Variants in SLC28A1 observed in about 807,000 individuals in gnomAD.
The protein encoded by SLC28A1 is solute carrier family 28 member 1.
A neutral mutation model predicts 74.8 loss-of-function variants in SLC28A1; 64 were observed. The observed-to-expected ratio is 0.86, with a 90% confidence interval of 0.70 to 1.05. The LOEUF (loss-of-function observed/expected upper bound fraction) is 1.05. SLC28A1 is among the 50% of genes least tolerant of loss of function. SLC28A1 has a pLI of 0.00. For synonymous variants in SLC28A1, 359 were observed against 335.0 expected, an observed-to-expected ratio of 1.07 and a Z score of -0.78; for missense variants, 828 against 822.8, an observed-to-expected ratio of 1.01 and a Z score of -0.08.
chr15:84,947,787 C>G (rs938927988), downstream of SLC28A1, among the ~76,000 whole-genome samples: 9 of 152,148 alleles, frequency 5.9e-5, no homozygotes, highest in African/African-American at 1.4e-4. Flanking sequence ...AAAGACCCCC[C>G]CTCCTAATAC....
chr15:84,936,891 AAAAATT>A (rs1239308148), intron 15 of SLC28A1, among the ~76,000 whole-genome samples: 2 of 152,094 alleles, frequency 1.3e-5, no homozygotes, highest in African/African-American at 2.4e-5. Context: ...TGTCTTTACT[AAAAATT>A]TTAAAAATTG....
intron 11 of SLC28A1, among the ~76,000 whole-genome samples, chr15:84,923,149 G>A (rs1970048084): frequency 6.6e-6 from 1 of 152,142 alleles, no homozygotes; most frequent in Non-Finnish European, 1.5e-5. Flanking sequence ...TGTTGGCCAG[G>A]CTGGTCTGGA....
At chr15:84,944,415 G>A in intron 16 of SLC28A1, 151 bp from the exon 17 acceptor site, 1 of 698,064 alleles carries the variant, frequency 1.4e-6, no homozygotes, top group Non-Finnish European at 2.6e-6. Flanking sequence ...GAACTCCTGA[G>A]CTCAGCAAGC....
chr15:84,949,445 C>T (rs2079341573), downstream of SLC28A1, among the ~76,000 whole-genome samples: 1 of 151,960 alleles, frequency 6.6e-6, no homozygotes, highest in Non-Finnish European at 1.5e-5. Context: ...TGCAGTAGTG[C>T]AAAAATCCTG....
At chr15:84,937,342 G>C (rs1972054722) in intron 15 of SLC28A1, among the ~76,000 whole-genome samples, 1 of 152,138 alleles carries the variant, frequency 6.6e-6, no homozygotes, top group African/African-American at 2.4e-5. Flanking sequence ...TGGGCTGACT[G>C]ACTCCCACAT....
intron 3 of SLC28A1, 95 bp downstream of exon 3, chr15:84,887,951 C>T: frequency 3.5e-6 from 3 of 869,000 alleles, no homozygotes; most frequent in South Asian, 1.3e-5. Context: ...ACCACCTTCC[C>T]TCATACCCCA....
At chr15:84,924,174 C>T in intron 12 of SLC28A1, 64 bp downstream of exon 12, 1 of 1,558,114 alleles carries the variant, frequency 6.4e-7, no homozygotes, top group South Asian at 1.1e-5. Flanking sequence ...TGTGGGAGCC[C>T]CACACAGCTC....
intron 12 of SLC28A1, chr15:84,926,436 C>A: frequency 2.5e-6 from 1 of 398,966 alleles, no homozygotes; most frequent in Admixed American, 2.8e-5. Context: ...CTCCTGGGCT[C>A]AAGCAATCCT....
chr15:84,969,052 A>AT, the SLC28A1 span, among the ~76,000 whole-genome samples: 1 of 152,188 alleles, frequency 6.6e-6, no homozygotes, highest in African/African-American at 2.4e-5. Flanking sequence ...ATATGCACAA[A>AT]TGGTCATGGT....
chr15:84,939,525 A>G (rs1296743139), intron 15 of SLC28A1: 1 of 152,222 alleles, frequency 6.6e-6, no homozygotes, highest in Non-Finnish European at 1.5e-5. Flanking sequence ...TAAAGGCATT[A>G]ACTTTTTTCT....
At chr15:84,920,942 G>A in intron 10 of SLC28A1, 47 bp from the exon 11 acceptor site, 1 of 1,467,802 alleles carries the variant, frequency 6.8e-7, no homozygotes, top group African/African-American at 1.4e-5. Context: ...CTCTGACTCT[G>A]GGGTTTGCTG....
chr15:84,888,466 C>A (rs1213193401), intron 3 of SLC28A1, among the ~76,000 whole-genome samples: 1 of 151,266 alleles, frequency 6.6e-6, no homozygotes, highest in Non-Finnish European at 1.5e-5. Context: ...GATGAGGTAG[C>A]CCTGCCTGGG....
downstream of SLC28A1, among the ~76,000 whole-genome samples, chr15:84,949,744 T>G (rs1370639913): frequency 2.0e-5 from 3 of 151,944 alleles, no homozygotes; most frequent in Non-Finnish European, 4.4e-5. Context: ...CATGCCTGCT[T>G]CAGAAATCCT....
At position 84,935,312 on chromosome 15, in the gene SLC28A1, T is replaced by C; in HGVS notation, c.1384-9T>C. On this transcript the variant is annotated splice_polypyrimidine_tract_variant and intron_variant, in intron 14 of 18. Coordinates refer to ENST00000394573, the MANE Select transcript of SLC28A1 (RefSeq NM_004213.5). The stretch of plus-strand genomic sequence containing the variant: ...GCCCTCGGTGCCAGCCATACCGTTG[T>C]GCCCTCAGCTCATCTGCTCCTACAT... 6.2e-7 allele frequency: 1 copy of C among 1,614,160 alleles called. No individual in the cohort carries two copies. The highest frequency in any genetic ancestry group is 8.5e-7 in the Non-Finnish European group (1 of 1,180,012).
At chr15:84,905,133 G>C (rs1267852601) in intron 7 of SLC28A1, among the ~76,000 whole-genome samples, 7 of 152,192 alleles carry the variant, frequency 4.6e-5, no homozygotes, top group Admixed American at 4.6e-4. Flanking sequence ...CAGCCTATTG[G>C]AGGAGAGATT....
chr15:84,946,083 T>TATATATATATATATATATA (rs1321419859), downstream of SLC28A1, among the ~76,000 whole-genome samples: 2 of 36,242 alleles, frequency 5.5e-5, no homozygotes, highest in African/African-American at 1.3e-4. Flanking sequence ...TGTGTGTATG[T>TATATATATATATATATATA]TCATATATAT....
At chr15:84,947,542 A>G (rs1439354504), downstream of SLC28A1, among the ~76,000 whole-genome samples, 1 of 152,236 alleles carries the variant, frequency 6.6e-6, no homozygotes, top group Non-Finnish European at 1.5e-5. Flanking sequence ...AAAATACCAT[A>G]AATGGGATAG....
intron 12 of SLC28A1, among the ~76,000 whole-genome samples, chr15:84,928,602 CT>C (rs374994469): frequency 0.042 from 346 of 8,180 alleles, 78 homozygotes; most frequent in African/African-American, 0.13. Flanking sequence ...TTCTTTCTTT[CT>C]TTTCTTTCTT....
the SLC28A1 span, among the ~76,000 whole-genome samples, chr15:84,972,301 T>A: frequency 6.6e-6 from 1 of 152,202 alleles, no homozygotes; most frequent in Non-Finnish European, 1.5e-5. Context: ...ACATGTGAGA[T>A]GATGATCAAT....
Sources: gnomAD v4.1 joint callset for allele counts (sites outside exome capture counted in the v4.1 genomes callset) on GRCh38, gnomAD v4.1.1 for gene constraint, MANE v1.5 for transcripts, NCBI Gene and HGNC (gene_info 2026-07-23, HGNC 2026-07-21) for gene names.